FHIP1A: variants seen among roughly 807,000 people sequenced by gnomAD.
The protein encoded by FHIP1A is FHF complex subunit HOOK interacting protein 1A.
In FHIP1A, 61 loss-of-function variants were observed where a neutral mutation model predicts 88.6. The ratio of observed to expected loss-of-function variants is 0.69; its 90% CI spans 0.56 to 0.85. The LOEUF is 0.85. Ranked by LOEUF, FHIP1A falls within the 40% of genes least tolerant of loss-of-function variation. The pLI, the probability that FHIP1A is intolerant of heterozygous loss-of-function variation, is 0.00. For missense variants in FHIP1A, 1,154 were observed against 1,273.5 expected (o/e 0.91, Z 1.43); for synonymous variants, 478 against 496.0 (o/e 0.96, Z 0.48).
chr4:151,432,044 A>G (rs562734461), intron 1 of FHIP1A, among the ~76,000 whole-genome samples: 1 of 152,350 alleles, frequency 6.6e-6, no homozygotes, highest in African/African-American at 2.4e-5. Flanking sequence ...ATTATGTGCC[A>G]TAAGAAATAA....
chr4:151,569,949 T>C (rs1560774600), intron 4 of FHIP1A, among the ~76,000 whole-genome samples: 1 of 152,156 alleles, frequency 6.6e-6, no homozygotes, highest in Non-Finnish European at 1.5e-5. Flanking sequence ...GCATTCCAAA[T>C]AGTGACACTG....
At chr4:151,540,977 A>G (rs1294876064) in intron 3 of FHIP1A, among the ~76,000 whole-genome samples, 1 of 152,236 alleles carries the variant, frequency 6.6e-6, no homozygotes, top group Non-Finnish European at 1.5e-5. Context: ...GACACAGTAG[A>G]ATAATATCCT....
intron 9 of FHIP1A, among the ~76,000 whole-genome samples, chr4:151,646,309 C>T (rs62327279): frequency 6.6e-6 from 1 of 152,106 alleles, no homozygotes; most frequent in Non-Finnish European, 1.5e-5. Flanking sequence ...GAAGAGGGAT[C>T]GTTTAAGAGA....
intron 3 of FHIP1A, among the ~76,000 whole-genome samples, chr4:151,507,918 G>C (rs1256146085): frequency 9.2e-5 from 14 of 152,170 alleles, no homozygotes. Context: ...TCTGATCCTG[G>C]AAGCTTGAGT....
At chr4:151,653,888 G>C (rs1737130273) in intron 11 of FHIP1A, among the ~76,000 whole-genome samples, 1 of 152,172 alleles carries the variant, frequency 6.6e-6, no homozygotes, top group Non-Finnish European at 1.5e-5. Flanking sequence ...GCAGTGGAGA[G>C]AGTCTCAGTG....
intron 7 of FHIP1A, among the ~76,000 whole-genome samples, chr4:151,594,932 C>G (rs1465170626): frequency 6.6e-6 from 1 of 151,988 alleles, no homozygotes; most frequent in East Asian, 1.9e-4. Flanking sequence ...TTTTATTAGC[C>G]TGGCTAGCAG....
chr4:151,420,300 A>G (rs1004885137), intron 1 of FHIP1A, among the ~76,000 whole-genome samples: 3 of 80,060 alleles, frequency 3.7e-5, no homozygotes, highest in African/African-American at 1.6e-4. Context: ...GTGTGAGATG[A>G]TATCTCATAG....
chr4:151,525,761 T>C (rs1731606578), intron 3 of FHIP1A, among the ~76,000 whole-genome samples: 1 of 151,594 alleles, frequency 6.6e-6, no homozygotes, highest in East Asian at 1.9e-4. Flanking sequence ...TTTTTTTTTT[T>C]CATTTTTAAT....
At chr4:151,547,939 A>G (rs1418900972) in intron 3 of FHIP1A, among the ~76,000 whole-genome samples, 1 of 151,772 alleles carries the variant, frequency 6.6e-6, no homozygotes, top group East Asian at 1.9e-4. Context: ...AAAAAAAAAG[A>G]TTGTGGTGAG....
At chr4:151,443,435 G>A (rs952297455) in intron 1 of FHIP1A, among the ~76,000 whole-genome samples, 1 of 152,054 alleles carries the variant, frequency 6.6e-6, no homozygotes, top group East Asian at 1.9e-4. Context: ...CAGCTACCAC[G>A]CATGCCTGGC....
chr4:151,656,215 T>G lies in FHIP1A; in HGVS notation c.2552-17T>G. 2 of 1,549,210 alleles carry G rather than the reference T, an allele frequency of 1.3e-6. No homozygotes were observed. The highest frequency in any genetic ancestry group is 8.7e-7 in the Non-Finnish European group (1 of 1,144,938). On this transcript the variant is annotated splice_polypyrimidine_tract_variant and intron_variant, in intron 11 of 13. Transcript: ENST00000435205. The surrounding 1 kb of genome is among the most constrained non-coding windows in gnomAD (Gnocchi z 4.2). ...TGTGAGCCCAGCCAGCCCTGAAGCC[T>G]TGTGTTCTTCCTGCAGGCCCATTCA...
intron 4 of FHIP1A, among the ~76,000 whole-genome samples, chr4:151,575,636 GA>G (rs1229917790): frequency 2.0e-5 from 3 of 152,142 alleles, no homozygotes; most frequent in African/African-American, 7.2e-5. Context: ...GTGTTAGGGT[GA>G]TTTTTTTGCC....
intron 6 of FHIP1A, among the ~76,000 whole-genome samples, chr4:151,588,073 G>C (rs866491866): frequency 6.6e-6 from 1 of 151,506 alleles, no homozygotes; most frequent in African/African-American, 2.4e-5. Flanking sequence ...AAAGCTAATG[G>C]GCATGGTAAG....
rs77389534 is a variant in FHIP1A at position 151,612,834 on chromosome 4, T to C, written c.979-16868T>C. Among the ~76,000 whole-genome samples, 809 of 152,344 alleles carry C rather than the reference T, an allele frequency of 5.3e-3. 6 individuals are homozygous for C. The highest frequency in any genetic ancestry group is 0.019 in the African/African-American group (787 of 41,580). ...AGAAAGGAACAATATTTTTATTTAA[T>C]GAATCTGCACATTCTCACATGGAAT... is the stretch of plus-strand genomic sequence containing the variant. On this transcript the variant is annotated intron_variant, in intron 7 of 13. Coordinates refer to ENST00000435205, the MANE Select transcript of FHIP1A (RefSeq NM_001109977.3).
At chr4:151,490,880 A>C (rs1314448680) in intron 3 of FHIP1A, among the ~76,000 whole-genome samples, 1 of 152,148 alleles carries the variant, frequency 6.6e-6, no homozygotes, top group Non-Finnish European at 1.5e-5. Flanking sequence ...AGTAGAATCG[A>C]ACAAGTAGAA....
chr4:151,579,243 T>C (rs1733933014), intron 5 of FHIP1A, among the ~76,000 whole-genome samples: 1 of 152,144 alleles, frequency 6.6e-6, no homozygotes, highest in African/African-American at 2.4e-5. Flanking sequence ...ATGTAAACTA[T>C]GGTTTCTGGG....
intron 3 of FHIP1A, among the ~76,000 whole-genome samples, chr4:151,550,843 A>G (rs1732701804): frequency 6.6e-6 from 1 of 152,174 alleles, no homozygotes; most frequent in Non-Finnish European, 1.5e-5. Flanking sequence ...GGAGAGAAGC[A>G]GGACTGTGCA....
At chr4:151,605,068 G>A (rs115871284) in intron 7 of FHIP1A, among the ~76,000 whole-genome samples, 4 of 152,166 alleles carry the variant, frequency 2.6e-5, no homozygotes, top group Non-Finnish European at 4.4e-5. Context: ...TGGGAGACCC[G>A]TAGAGAGTTG....
chr4:151,516,493 C>T (rs1168103677), intron 3 of FHIP1A, among the ~76,000 whole-genome samples: 1 of 152,076 alleles, frequency 6.6e-6, no homozygotes, highest in Non-Finnish European at 1.5e-5. Context: ...GCAAAAGAAA[C>T]TACCATCAGA....
Sources: gnomAD v4.1 joint callset for allele counts (sites outside exome capture counted in the v4.1 genomes callset) on GRCh38, gnomAD v4.1.1 for gene constraint, Gnocchi (gnomAD v3.1) non-coding constraint, MANE v1.5 for transcripts, NCBI Gene and HGNC (gene_info 2026-07-23, HGNC 2026-07-21) for gene names.